The following RAB11FIP1 variants were observed in gnomAD, a reference collection of about 807,000 sequenced individuals.
The protein encoded by RAB11FIP1 is RAB11 family interacting protein 1.
RAB11FIP1 carries 49 observed loss-of-function variants against 83.1 expected under a neutral mutation model. The ratio of observed to expected loss-of-function variants is 0.59; its 90% confidence interval spans 0.47 to 0.75. The LOEUF (loss-of-function observed/expected upper bound fraction) is 0.75. RAB11FIP1 is among the 30% of genes least tolerant of loss of function. The probability of loss-of-function intolerance (pLI) is 0.00; values close to 1 mark genes in which losing one functional copy is unlikely to be tolerated. For synonymous variants in RAB11FIP1, 670 were observed against 656.0 expected (o/e 1.02, Z -0.33); for missense variants, 1,536 against 1,598.7 (o/e 0.96, Z 0.67).
chr8:37,872,333 C>T lies in RAB11FIP1; in HGVS notation c.2469G>A (p.Gly823=), dbSNP rs763727299. ...TGTGTCCTTCCACCAGCAAGGCAGC[C>T]CCCGCCACTGCCTCTTCCGTGAAGA... The part of the protein sequence containing the change: ...EQLFTEEAVA[G]AALLVEGHSS... Residue 823 remains glycine (G), a synonymous_variant, in exon 4 of 6, where the codon GGG becomes GGA. Transcript: ENST00000330843. The T allele has an allele frequency of 6.2e-7, 1 of 1,614,200 alleles. No individual in the cohort carries two copies.
intron 1 of RAB11FIP1, among the ~76,000 whole-genome samples, chr8:37,898,202 G>T (rs1433949671): frequency 6.6e-6 from 1 of 152,232 alleles, no homozygotes; most frequent in Non-Finnish European, 1.5e-5. Context: ...ACGCTGAGGG[G>T]CGTCCTGCAG....
intron 5 of RAB11FIP1, among the ~76,000 whole-genome samples, chr8:37,868,806 GC>G (rs1457135527): frequency 6.6e-6 from 1 of 152,008 alleles, no homozygotes; most frequent in Non-Finnish European, 1.5e-5. Context: ...TTTAATATTA[GC>G]CCATAATTTT....
intron 1 of RAB11FIP1, among the ~76,000 whole-genome samples, chr8:37,895,220 T>C (rs1338798636): frequency 2.5e-3 from 7 of 2,798 alleles, no homozygotes; most frequent in African/African-American, 7.6e-3. Flanking sequence ...TGCCTGCCAA[T>C]ATATATATAT....
At position 37,868,447 on chromosome 8, in the gene RAB11FIP1, C is replaced by T. The variant is rs558678428; in HGVS notation, c.3633+1973G>A. 2.0e-5 allele frequency among the ~76,000 whole-genome samples: 3 copies of T among 150,144 alleles called. No individual in the cohort carries two copies. The South Asian group carries it at 6.3e-4, about 32-fold the overall frequency. ...CAAAAAAAAAAAAAAAGAAAAAAAA[C>T]TATTCAATATCCGGAGTCCATGGGA... On this transcript the variant is annotated intron_variant, in intron 5 of 5. Coordinates refer to ENST00000330843, the MANE Select transcript of RAB11FIP1 (RefSeq NM_001002814.3).
rs2130118894 is a variant in RAB11FIP1, at chr8:37,862,393, C to T, written c.*502G>A. 1 of 153,796 alleles carries T rather than the reference C, an allele frequency of 6.5e-6. No individual in the cohort carries two copies. The highest frequency in any genetic ancestry group is 2.0e-4 in the South Asian group (1 of 4,940). The allele number at this position is 153,796 out of a possible 1,614,324, so 9.5% of individuals were successfully genotyped here. A position where few individuals can be genotyped will look rare whatever the true frequency, so the allele number is the denominator to read the frequency against. The stretch of plus-strand genomic sequence containing the variant: ...AGGTTTACATGGTATCAAAATTTAA[C>T]ATCTGCAGCCAAAAGCCACACCTGA... On this transcript the variant is annotated 3_prime_UTR_variant, in exon 6 of 6. Transcript: ENST00000330843.
chr8:37,873,359 C>T (rs1308511423), intron 3 of RAB11FIP1, 180 bp from the exon 4 acceptor site: 1 of 587,262 alleles, frequency 1.7e-6, no homozygotes, highest in East Asian at 3.1e-5. Flanking sequence ...AATCCCAGCA[C>T]TGTGGGAGGC....
At chr8:37,879,111 C>A (rs1025246702) in intron 1 of RAB11FIP1, among the ~76,000 whole-genome samples, 4 of 152,098 alleles carry the variant, frequency 2.6e-5, no homozygotes, top group African/African-American at 9.7e-5. Flanking sequence ...AACTCAAGAC[C>A]AGCCTGGCCA....
At chr8:37,894,918 C>A (rs920286103) in intron 1 of RAB11FIP1, among the ~76,000 whole-genome samples, 22 of 149,746 alleles carry the variant, frequency 1.5e-4, no homozygotes, top group Non-Finnish European at 2.7e-4. Context: ...CCACCACGTC[C>A]AGCTAATTTT....
chr8:37,859,673 G>C lies in RAB11FIP1; in HGVS notation c.*3222C>G, dbSNP rs1000998571. The C allele has an allele frequency of 1.1e-4, 16 of 152,266 alleles. No individual in the cohort carries two copies. Among genetic ancestry groups the C allele is most frequent in the African/African-American group, 3.6e-4 (15 of 41,446 alleles). 9.4% of individuals were successfully genotyped at this position (152,266 alleles called of 1,614,324 possible). A position where few individuals can be genotyped will look rare whatever the true frequency, so the allele number is the denominator to read the frequency against. On this transcript the variant is annotated 3_prime_UTR_variant, in exon 6 of 6. Coordinates refer to ENST00000330843, the MANE Select transcript of RAB11FIP1 (RefSeq NM_001002814.3). ...AAGCTGACTTCCAACTGCAGTTTAT[G>C]GGTATAGAATTTGATGCTTCCCTCA...
chr8:37,863,117 T>C lies in RAB11FIP1; in HGVS notation c.3634-4A>G. ...CAGGGTCCGAGGGGCTGTATTTCTT[T>C]GGAGGGGGGGAAATAGTTGGGAAAA... On this transcript the variant is annotated splice_polypyrimidine_tract_variant and splice_region_variant and intron_variant, in intron 5 of 5. Transcript: ENST00000330843. 1 of 1,607,956 alleles carries C rather than the reference T, an allele frequency of 6.2e-7. No homozygotes were observed.
chr8:37,865,406 G>A (rs886609392), intron 5 of RAB11FIP1, among the ~76,000 whole-genome samples: 1 of 149,394 alleles, frequency 6.7e-6, no homozygotes, highest in Non-Finnish European at 1.5e-5. Flanking sequence ...TGCAACCTCT[G>A]CCTCCCAGGT....
chr8:37,872,427 T>G lies in RAB11FIP1; in HGVS notation c.2375A>C (p.Glu792Ala). 2 of 1,614,146 alleles carry G rather than the reference T, an allele frequency of 1.2e-6. No individual in the cohort carries two copies. The change falls in exon 4 of 6, where the codon GAA becomes GCA. Residue 792 changes from glutamate (E) to alanine (A), a missense_variant. Physicochemically the swap from Glu to Ala is moderately radical, Grantham distance 107 (BLOSUM62 -1). Coordinates refer to ENST00000330843, the MANE Select transcript of RAB11FIP1 (RefSeq NM_001002814.3). ...PSIDSMMRKL[E>A]EMGLNLRKDQ... Reference sequence around the variant, plus strand: ...CTTGCGGAGGTTCAGACCCATCTCTTCCAGCTTCCGCATCATGGAATCAAT... The same window carrying G: ...CTTGCGGAGGTTCAGACCCATCTCTGCCAGCTTCCGCATCATGGAATCAAT...
chr8:37,899,147 C>G lies in RAB11FIP1; in HGVS notation c.295G>C (p.Gly99Arg). 3 of 1,545,528 alleles carry G rather than the reference C, an allele frequency of 1.9e-6. No homozygotes were observed. Among genetic ancestry groups the G allele is most frequent in the Non-Finnish European group, 2.6e-6 (3 of 1,155,458 alleles). The change falls in exon 1 of 6, where the codon GGC becomes CGC. Residue 99 changes from glycine (G) to arginine (R), a missense_variant. Physicochemically the swap from Gly to Arg is moderately radical, Grantham distance 125 (BLOSUM62 -2). Transcript: ENST00000330843. This position sits in a 1 kb window ranked among gnomAD's most constrained non-coding sequence, Gnocchi z 4.5. The stretch of plus-strand genomic sequence containing the variant: ...GCGCGGCCCAGGAACTTGTCGAGGC[C>G]GAGCAGCGCGCGGTGCAGCACGGTG... Reference protein sequence around the residue: ...QLTVLHRALLGLDKFLGRAEV... With the variant: ...QLTVLHRALLRLDKFLGRAEV...
chr8:37,883,755 A>T (rs1806769420), intron 1 of RAB11FIP1, among the ~76,000 whole-genome samples: 1 of 152,224 alleles, frequency 6.6e-6, no homozygotes, highest in Non-Finnish European at 1.5e-5. Context: ...ACAGCATGTG[A>T]TGGCAGCGTG....
chr8:37,872,776 G>C lies in RAB11FIP1; in HGVS notation c.2026C>G (p.Arg676Gly). The C allele has an allele frequency of 1.2e-6, 2 of 1,614,212 alleles. No individual in the cohort carries two copies. The highest frequency in any genetic ancestry group is 2.2e-5 in the East Asian group (1 of 44,888). ...GTEDSLMGRT[R>G]ETGTEKNTSS... ...GTGTTCTTCTCTGTGCCTGTCTCAC[G>C]GGTCCTGCCCATCAGAGAATCTTCT... Residue 676 changes from arginine to glycine, a missense_variant, in exon 4 of 6, where the codon CGT becomes GGT. Transcript: ENST00000330843.
rs1277393405 is a variant in RAB11FIP1 at position 37,860,361 on chromosome 8, G to A, written c.*2534C>T. The A allele has an allele frequency of 2.6e-5, 4 of 151,824 alleles. No individual in the cohort carries two copies. Among genetic ancestry groups the A allele is most frequent in the African/African-American group, 9.7e-5 (4 of 41,252 alleles). 9.4% of individuals were successfully genotyped at this position (151,824 alleles called of 1,614,324 possible). On this transcript the variant is annotated 3_prime_UTR_variant, in exon 6 of 6. Coordinates refer to ENST00000330843, the MANE Select transcript of RAB11FIP1 (RefSeq NM_001002814.3). ...TACCTTTTCTTTCTTTCTTTTTTTT[G>A]AGACAGAGTCTCGCCCGTTGCCCAG...
intron 1 of RAB11FIP1, among the ~76,000 whole-genome samples, chr8:37,885,311 A>G (rs1806810913): frequency 6.6e-6 from 1 of 152,118 alleles, no homozygotes. Flanking sequence ...CTATATTTTT[A>G]AGTAATAACA....
intron 1 of RAB11FIP1, among the ~76,000 whole-genome samples, chr8:37,895,217 CAATATATATATATATA>C (rs1563376419): frequency 3.1e-5 from 1 of 32,632 alleles, no homozygotes; most frequent in Non-Finnish European, 5.3e-5. Flanking sequence ...AGGTGCCTGC[CAATATATATATATATA>C]TATATATATA....
chr8:37,895,224 T>C (rs1214885123), intron 1 of RAB11FIP1, among the ~76,000 whole-genome samples: 44 of 4,134 alleles, frequency 0.011, 1 homozygote, highest in African/African-American at 0.033. Flanking sequence ...TGCCAATATA[T>C]ATATATATAT....
Sources: gnomAD v4.1 joint callset for allele counts (sites outside exome capture counted in the v4.1 genomes callset) on GRCh38, gnomAD v4.1.1 for gene constraint, Gnocchi (gnomAD v3.1) non-coding constraint, MANE v1.5 for transcripts, NCBI Gene and HGNC (gene_info 2026-07-23, HGNC 2026-07-21) for gene names.